The following VPS13B variants were observed in gnomAD, a reference collection of about 807,000 sequenced individuals.
VPS13B encodes intermembrane lipid transfer protein VPS13B.
VPS13B carries 285 observed loss-of-function variants against 426.4 expected under a neutral mutation model. The observed-to-expected ratio is 0.67, with a 90% CI of 0.61 to 0.74. VPS13B has a LOEUF of 0.74. VPS13B is among the 30% of genes least tolerant of loss of function. VPS13B has a pLI of 0.00. For synonymous variants in VPS13B, 1,676 were observed against 1,676.4 expected (o/e 1.00, Z 0.01); for missense variants, 4,537 against 4,782.6 (o/e 0.95, Z 1.51).
chr8:99,390,038 T>C (rs2133308730), intron 20 of VPS13B, among the ~76,000 whole-genome samples: 1 of 152,294 alleles, frequency 6.6e-6, no homozygotes, highest in Middle Eastern at 3.4e-3. Flanking sequence ...ATACCAAATA[T>C]AAAAGCAGGC....
At chr8:99,676,736 G>C (rs1384957887) in intron 35 of VPS13B, among the ~76,000 whole-genome samples, 1 of 151,966 alleles carries the variant, frequency 6.6e-6, no homozygotes, top group East Asian at 1.9e-4. Context: ...GTTGCTATGA[G>C]GGGATGATCG....
chr8:99,289,785 A>C (rs1056443883), intron 19 of VPS13B, among the ~76,000 whole-genome samples: 1 of 152,132 alleles, frequency 6.6e-6, no homozygotes, highest in African/African-American at 2.4e-5. Flanking sequence ...TAAGTTTTTA[A>C]AAAATCAGTT....
chr8:99,612,405 T>C (rs1215361146), intron 33 of VPS13B, among the ~76,000 whole-genome samples: 1 of 152,190 alleles, frequency 6.6e-6, no homozygotes, highest in Non-Finnish European at 1.5e-5. Context: ...AAGTCTCTCT[T>C]ATTGAGTGTA....
At chr8:99,674,015 G>C (rs1460354659) in intron 35 of VPS13B, among the ~76,000 whole-genome samples, 2 of 151,952 alleles carry the variant, frequency 1.3e-5, no homozygotes, top group Non-Finnish European at 1.5e-5. Context: ...CTTGTGATCT[G>C]TCTTGGAGGA....
At chr8:99,539,867 T>G (rs1823464369) in intron 30 of VPS13B, among the ~76,000 whole-genome samples, 1 of 149,214 alleles carries the variant, frequency 6.7e-6, no homozygotes, top group African/African-American at 2.5e-5. Context: ...TTTTGTACCA[T>G]AAAACAGAAA....
At chr8:99,414,280 C>T (rs1815865693) in intron 21 of VPS13B, among the ~76,000 whole-genome samples, 1 of 143,990 alleles carries the variant, frequency 6.9e-6, no homozygotes, top group South Asian at 2.2e-4. Context: ...GGTAGATCTT[C>T]CTCCATCCCT....
chr8:99,507,886 G>T lies in VPS13B; in HGVS notation c.4224+683G>T. On this transcript the variant is annotated intron_variant, in intron 28 of 61. Coordinates refer to ENST00000357162, the MANE Select transcript of VPS13B (RefSeq NM_152564.5). ...CCCATCAGCAAGCAGGACCCTTTCA[G>T]TAATTGCTCTGGCTTCTTTCCTTCT... The T allele has an allele frequency of 6.2e-7, 1 of 1,614,038 alleles. No individual in the cohort carries two copies. The highest frequency in any genetic ancestry group is 8.5e-7 in the Non-Finnish European group (1 of 1,179,960).
At chr8:99,546,780 G>GAGACAT (rs1416469524) in intron 30 of VPS13B, among the ~76,000 whole-genome samples, 1 of 151,992 alleles carries the variant, frequency 6.6e-6, no homozygotes, top group African/African-American at 2.4e-5. Flanking sequence ...GATATAATTA[G>GAGACAT]AGACATAGTA....
intron 17 of VPS13B, among the ~76,000 whole-genome samples, chr8:99,200,690 A>G (rs1444348851): frequency 6.6e-6 from 1 of 151,986 alleles, no homozygotes; most frequent in Admixed American, 6.6e-5. Context: ...AGCTATTTCT[A>G]TCTCTTCTAT....
At chr8:99,189,645 T>C (rs1052248495) in intron 16 of VPS13B, among the ~76,000 whole-genome samples, 3 of 152,188 alleles carry the variant, frequency 2.0e-5, no homozygotes, top group Admixed American at 6.6e-5. Flanking sequence ...CTGTTACTGA[T>C]ATCAGTGTCC....
intron 33 of VPS13B, among the ~76,000 whole-genome samples, chr8:99,579,932 A>G (rs892752376): frequency 6.7e-6 from 1 of 149,362 alleles, no homozygotes; most frequent in African/African-American, 2.5e-5. Flanking sequence ...TCCCGACCTC[A>G]GGTGATCTGG....
intron 21 of VPS13B, among the ~76,000 whole-genome samples, chr8:99,427,763 C>A (rs558296595): frequency 4.0e-5 from 6 of 151,752 alleles, no homozygotes. Context: ...CAATGACTTT[C>A]TTCACAGAAT....
At chr8:99,285,288 G>A (rs147814907) in intron 19 of VPS13B, among the ~76,000 whole-genome samples, 2 of 152,284 alleles carry the variant, frequency 1.3e-5, no homozygotes, top group African/African-American at 4.8e-5. Flanking sequence ...CCTTTGAAAG[G>A]TCCCAGATTC....
chr8:99,158,036 C>G (rs1417432393), intron 15 of VPS13B, among the ~76,000 whole-genome samples: 1 of 152,168 alleles, frequency 6.6e-6, no homozygotes, highest in African/African-American at 2.4e-5. Flanking sequence ...GTAAGAGAAG[C>G]CATCTCCATA....
At chr8:99,697,384 G>C in intron 35 of VPS13B, 1 of 608,788 alleles carries the variant, frequency 1.6e-6, no homozygotes, top group Non-Finnish European at 2.9e-6. Context: ...GCAGTCCTGT[G>C]GTCAGAGACC....
intron 29 of VPS13B, among the ~76,000 whole-genome samples, chr8:99,519,545 A>G (rs1822261646): frequency 1.3e-5 from 2 of 152,170 alleles, no homozygotes; most frequent in African/African-American, 4.8e-5. Flanking sequence ...AAGACTTGGA[A>G]CCAACCCAAA....
At chr8:99,865,682 C>CA (rs550732175) in intron 58 of VPS13B, among the ~76,000 whole-genome samples, 9 of 151,948 alleles carry the variant, frequency 5.9e-5, no homozygotes, top group South Asian at 4.2e-4. Context: ...CTGTTCTGGT[C>CA]AAAAAAAAGA....
chr8:99,718,413 CAA>C (rs1833005321), intron 37 of VPS13B, among the ~76,000 whole-genome samples: 1 of 152,110 alleles, frequency 6.6e-6, no homozygotes, highest in Admixed American at 6.5e-5. Flanking sequence ...TATCTGATTA[CAA>C]CACTTGATAA....
intron 39 of VPS13B, among the ~76,000 whole-genome samples, chr8:99,753,966 C>CA (rs1810517319): frequency 6.6e-6 from 1 of 151,286 alleles, no homozygotes. Flanking sequence ...ATTTCCTGTA[C>CA]AAAAATAGGG....
Sources: allele counts gnomAD v4.1 joint callset (sites outside exome capture counted in the v4.1 genomes callset), GRCh38; gene constraint gnomAD v4.1.1; transcripts MANE v1.5; gene names NCBI Gene and HGNC (gene_info 2026-07-23, HGNC 2026-07-21).